DUOX1: variants seen among roughly 807,000 people sequenced by gnomAD.
DUOX1 encodes the protein NADPH thyroid oxidase 1.
In DUOX1, 134 loss-of-function variants were observed where a neutral mutation model predicts 181.8. The observed-to-expected ratio is 0.74, with a 90% CI of 0.64 to 0.85. The LOEUF is 0.85. Among genes scored for constraint, DUOX1 ranks in the 40% least tolerant of loss-of-function variants. The probability of loss-of-function intolerance (pLI) is 0.00; values close to 1 mark genes in which losing one functional copy is unlikely to be tolerated. For missense variants in DUOX1, 1,814 were observed against 2,064.4 expected (o/e 0.88, Z 2.35); for synonymous variants, 798 against 832.5 (o/e 0.96, Z 0.71).
Position 45,148,379 on chromosome 15 carries a change from G to A in DUOX1, c.2750G>A (p.Trp917Ter). The change falls in exon 21 of 34, where the codon TGG (tryptophan) becomes TAG (stop). Residue 917 changes from tryptophan to a stop codon, truncating the protein, a stop_gained. Coordinates refer to ENST00000389037, the MANE Select transcript of DUOX1 (RefSeq NM_175940.3). LOFTEE classifies it high-confidence loss of function. Reference protein sequence around the residue: ...SGFQDKEELTWEDFHFMLRDH... With the variant: ...SGFQDKEELT The stretch of plus-strand genomic sequence containing the variant: ...TTCCAGGACAAGGAGGAACTGACAT[G>A]GGAAGATTTTCACTTCATGCTGCGG... 6.2e-7 allele frequency: 1 copy of A among 1,614,202 alleles called. No homozygotes were observed. The highest frequency in any genetic ancestry group is 2.2e-5 in the East Asian group (1 of 44,874).
In DUOX1 at chr15:45,148,398, G is replaced by T; in HGVS notation, c.2769G>T (p.Met923Ile). 6.2e-7 allele frequency: 1 copy of T among 1,614,184 alleles called. No homozygotes were observed. The highest frequency in any genetic ancestry group is 8.5e-7 in the Non-Finnish European group (1 of 1,180,034). ...TGACATGGGAAGATTTTCACTTCATGCTGCGGGACCACAATAGCGAGCTCC... is the reference window on the plus strand; with the variant it reads ...TGACATGGGAAGATTTTCACTTCATTCTGCGGGACCACAATAGCGAGCTCC... ...EELTWEDFHF[M>I]LRDHNSELRF... The change falls in exon 21 of 34, where the codon ATG becomes ATT. Residue 923 changes from methionine (M) to isoleucine (I), a missense_variant. Around this residue, in one of 5 missense-constraint regions of DUOX1, gnomAD observed 1,064 missense variants for 1,152.9 expected, o/e 0.92. Coordinates refer to ENST00000389037, the MANE Select transcript of DUOX1 (RefSeq NM_175940.3).
At chr15:45,138,072 G>GTGTGTC in intron 10 of DUOX1, 58 bp downstream of exon 10, 6 of 995,650 alleles carry the variant, frequency 6.0e-6, no homozygotes, top group African/African-American at 1.9e-5. Context: ...TTATGTGTGT[G>GTGTGTC]TGTGTATGTG....
chr15:45,161,634 T>C, intron 29 of DUOX1, 104 bp from the exon 30 acceptor site: 1 of 1,047,362 alleles, frequency 9.5e-7, no homozygotes, highest in Non-Finnish European at 1.4e-6. Context: ...GCCTCCTTTG[T>C]CATATTCCAG....
Position 45,135,153 on chromosome 15 carries a change from C to G in DUOX1, c.357C>G (p.Pro119=), listed in dbSNP as rs1896258849. The G allele has an allele frequency of 1.2e-6, 2 of 1,613,874 alleles. No individual in the cohort carries two copies. The highest frequency in any genetic ancestry group is 1.7e-6 in the Non-Finnish European group (2 of 1,179,940). The part of the protein sequence containing the change: ...DLVSVETPGC[P]AEFLNIRIPP... ...TGAGCGTGGAAACTCCCGGCTGCCC[C>G]GCCGAGTTCCTCAACATTCGCATCC... The change falls in exon 5 of 34, where the codon CCC becomes CCG. Residue 119 remains proline (P), a synonymous_variant. Coordinates refer to ENST00000389037, the MANE Select transcript of DUOX1 (RefSeq NM_175940.3).
intron 30 of DUOX1, 86 bp from the exon 31 acceptor site, chr15:45,162,133 G>GT (rs1475046679): frequency 1.3e-6 from 2 of 1,542,962 alleles, no homozygotes; most frequent in Middle Eastern, 1.7e-4. Flanking sequence ...CTCCATATAC[G>GT]TATCTACCTT....
At chr15:45,133,371 T>G (rs1272442711) in intron 2 of DUOX1, among the ~76,000 whole-genome samples, 1 of 152,146 alleles carries the variant, frequency 6.6e-6, no homozygotes, top group Non-Finnish European at 1.5e-5. Flanking sequence ...CAGAGATGAC[T>G]AGTCCCCTCA....
intron 28 of DUOX1, among the ~76,000 whole-genome samples, chr15:45,159,638 G>T (rs944546748): frequency 6.6e-6 from 1 of 152,168 alleles, no homozygotes; most frequent in African/African-American, 2.4e-5. Context: ...AAGGACCAGA[G>T]CTGGATGATA....
intron 28 of DUOX1, among the ~76,000 whole-genome samples, chr15:45,158,595 G>A (rs965055960): frequency 4.7e-5 from 7 of 150,198 alleles, no homozygotes; most frequent in Non-Finnish European, 7.4e-5. Context: ...CCAGCTACTC[G>A]GGAGGCTGAG....
At position 45,135,237 on chromosome 15, in the gene DUOX1, G is replaced by A; in HGVS notation, c.441G>A (p.Gln147=). 4.3e-6 allele frequency: 7 copies of A among 1,613,236 alleles called. No individual in the cohort carries two copies. The highest frequency in any genetic ancestry group is 5.9e-6 in the Non-Finnish European group (7 of 1,179,924). ...GCGGGGACGTGGTGCTGCCCTTCCA[G>A]AGAAGCCGCTGGGACCCCGAGACCG... is the stretch of plus-strand genomic sequence containing the variant. ...DQRGDVVLPF[Q]RSRWDPETGR... is the part of the protein sequence containing the mutation. Residue 147 remains glutamine (Q), a synonymous_variant, in exon 5 of 34, where the codon CAG becomes CAA. Coordinates refer to ENST00000389037, the MANE Select transcript of DUOX1 (RefSeq NM_175940.3).
chr15:45,147,470 C>T lies in DUOX1; in HGVS notation c.2360C>T (p.Pro787Leu). ...DINQADAGTLPLDSSQKVREA... is the reference protein window; with the variant it reads ...DINQADAGTLLLDSSQKVREA... ...AACCAGGCCGACGCAGGGACCCTGC[C>T]CCTGGACTCCTCCCAGAAGGTGCGG... Residue 787 changes from proline (P) to leucine (L), a missense_variant, in exon 19 of 34, where the codon CCC (proline) becomes CTC (leucine). Physicochemically the swap from Pro to Leu is moderately conservative, Grantham distance 98 (BLOSUM62 -3). Around this residue, in one of 5 missense-constraint regions of DUOX1, gnomAD observed 1,064 missense variants for 1,152.9 expected, o/e 0.92. Transcript: ENST00000389037. 1 of 1,613,996 alleles carries T rather than the reference C, an allele frequency of 6.2e-7. No individual in the cohort carries two copies. Among genetic ancestry groups the T allele is most frequent in the Non-Finnish European group, 8.5e-7 (1 of 1,179,980 alleles).
intron 28 of DUOX1, among the ~76,000 whole-genome samples, chr15:45,158,312 C>T (rs56779569): frequency 6.6e-6 from 1 of 152,150 alleles, no homozygotes; most frequent in Non-Finnish European, 1.5e-5. Flanking sequence ...CAAAGAAGAG[C>T]TCAGAGAGGT....
At chr15:45,162,042 ACTCCCCG>A in intron 30 of DUOX1, 72 bp downstream of exon 30, 1 of 1,490,854 alleles carries the variant, frequency 6.7e-7, no homozygotes, top group Non-Finnish European at 9.2e-7. Context: ...GCAGCACTAG[ACTCCCCG>A]CTCTGTGCCT....
chr15:45,153,450 C>A lies in DUOX1; in HGVS notation c.3495C>A (p.Cys1165Ter). 6.2e-7 allele frequency: 1 copy of A among 1,613,342 alleles called. No homozygotes were observed. ...FSISPLSVLS[C>*]LFPGLFHDDG... ...TCAGCCCCCTCAGCGTCCTCTCTTG[C>A]CTCTTTCCTGGCCTCTTCCATGATG... Residue 1165 changes from cysteine to a stop codon, truncating the protein, a stop_gained, in exon 26 of 34, where the codon TGC becomes TGA. Transcript: ENST00000389037. LOFTEE classifies it high-confidence loss of function.
intron 2 of DUOX1, among the ~76,000 whole-genome samples, chr15:45,132,248 C>A (rs546412472): frequency 2.6e-4 from 40 of 152,346 alleles, no homozygotes; most frequent in Non-Finnish European, 5.0e-4. Flanking sequence ...CCTTCAGCTG[C>A]TGTCAGCACT....
Position 45,161,961 on chromosome 15 carries a change from A to C in DUOX1, c.4080A>C (p.Arg1360Ser), listed in dbSNP as rs144582156. 6.2e-7 allele frequency: 1 copy of C among 1,611,738 alleles called. No individual in the cohort carries two copies. The highest frequency in any genetic ancestry group is 2.2e-5 in the East Asian group (1 of 44,766). ...CCCCGACGGGTGACAGATGTGCCAG[A>C]TACCCAAAGGTACCAGACCCTGGCC... ...YSAPTGDRCA[R>S]YPKLYLDGPF... Residue 1360 changes from arginine to serine, a missense_variant, in exon 30 of 34, where the codon AGA becomes AGC. Arg to Ser is a moderately radical substitution (Grantham distance 110). Around this residue, in one of 5 missense-constraint regions of DUOX1, gnomAD observed 279 missense variants for 381.9 expected, o/e 0.73. Coordinates refer to ENST00000389037, the MANE Select transcript of DUOX1 (RefSeq NM_175940.3).
At chr15:45,160,268 G>A (rs1019709229) in intron 28 of DUOX1, among the ~76,000 whole-genome samples, 1 of 152,116 alleles carries the variant, frequency 6.6e-6, no homozygotes, top group Admixed American at 6.5e-5. Flanking sequence ...TTTCTACTGA[G>A]ACCTGAAAAA....
rs1567012334 is a variant in DUOX1 at position 45,142,787 on chromosome 15, G to GGAAGGAAGGAAGGAA, written c.1823-402_1823-401insAAGGAAGGAAGGAAG. On this transcript the variant is annotated intron_variant, in intron 15 of 33. Coordinates refer to ENST00000389037, the MANE Select transcript of DUOX1 (RefSeq NM_175940.3). ...AGGAAAGAAGGAAGGAAGGAAGGAA[G>GGAAGGAAGGAAGGAA]GGAGGGAGGAAGGGAGGGAGGAAGA... is the stretch of plus-strand genomic sequence containing the variant. 1.4e-5 allele frequency among the ~76,000 whole-genome samples: 2 copies of GGAAGGAAGGAAGGAA among 143,682 alleles called. 1 individual carries two copies. 94.3% of individuals were successfully genotyped at this position (143,682 alleles called of 152,430 possible).
chr15:45,161,813 T>G lies in DUOX1; in HGVS notation c.3932T>G (p.Leu1311Arg). Residue 1311 changes from leucine to arginine, a missense_variant, in exon 30 of 34, where the codon CTG becomes CGG. Transcript: ENST00000389037. ...GGGCAGTGGGTGCGGATCGCTTGCC[T>G]GGCTCTGGGGACCACCGAGTACCAC... ...KSGQWVRIACLALGTTEYHPF... is the reference protein window; with the variant it reads ...KSGQWVRIACRALGTTEYHPF... 1 of 1,613,512 alleles carries G rather than the reference T, an allele frequency of 6.2e-7. No homozygotes were observed. The highest frequency in any genetic ancestry group is 8.5e-7 in the Non-Finnish European group (1 of 1,179,850).
chr15:45,148,558 GA>G (rs1174399095), intron 21 of DUOX1, 111 bp downstream of exon 21: 3 of 1,229,616 alleles, frequency 2.4e-6, no homozygotes, highest in Admixed American at 2.9e-5. Flanking sequence ...AAAATCAGAA[GA>G]AAAAAATGAA....
Sources: gnomAD v4.1 joint callset for allele counts (sites outside exome capture counted in the v4.1 genomes callset) on GRCh38, gnomAD v4.1.1 for gene constraint, gnomAD v4.1.1 regional missense constraint, MANE v1.5 for transcripts, NCBI Gene and HGNC (gene_info 2026-07-23, HGNC 2026-07-21) for gene names.